PLPP7: variants seen among roughly 807,000 people sequenced by gnomAD.
PLPP7 encodes phospholipid phosphatase 7 (inactive), also known as inactive phospholipid phosphatase 7.
In PLPP7, 11 loss-of-function variants were observed where a neutral mutation model predicts 16.9. The observed-to-expected ratio is 0.65, with a 90% CI of 0.41 to 1.08. The LOEUF is 1.08. Ranked by LOEUF, PLPP7 falls within the 50% of genes least tolerant of loss-of-function variation. The pLI, the probability that PLPP7 is intolerant of heterozygous loss-of-function variation, is 0.00. For synonymous variants in PLPP7, 174 were observed against 175.1 expected (o/e 0.99, Z 0.05); for missense variants, 358 against 397.1 (o/e 0.90, Z 0.84).
At chr9:131,302,595 G>A (rs902355171) in intron 1 of PLPP7, among the ~76,000 whole-genome samples, 2 of 152,216 alleles carry the variant, frequency 1.3e-5, no homozygotes, top group Non-Finnish European at 1.5e-5. Flanking sequence ...CAGGGGAACA[G>A]CTGCCGTGAA....
At chr9:131,299,686 C>T (rs188315466) in intron 1 of PLPP7, among the ~76,000 whole-genome samples, 69 of 152,258 alleles carry the variant, frequency 4.5e-4, no homozygotes, top group African/African-American at 1.5e-3. Context: ...CCACGCACCC[C>T]GTCACACCTG....
chr9:131,289,960 G>A lies in PLPP7; in HGVS notation c.-38G>A, dbSNP rs375930100. On this transcript the variant is annotated 5_prime_UTR_variant, in exon 1 of 2. Transcript: ENST00000372264. The stretch of plus-strand genomic sequence containing the variant: ...CTTCGGGGAGAAGGCCCTTGGAGCC[G>A]GGCTGGCATCGGCCTTCTCGGGGTG... 527 of 1,380,526 alleles carry A rather than the reference G, an allele frequency of 3.8e-4. No individual in the cohort carries two copies. Among genetic ancestry groups the A allele is most frequent in the Non-Finnish European group, 4.6e-4 (490 of 1,070,428 alleles). 85.5% of individuals were successfully genotyped at this position (1,380,526 alleles called of 1,614,324 possible).
chr9:131,308,110 C>G lies in PLPP7; in HGVS notation c.639C>G (p.Pro213=), dbSNP rs139237318. The G allele has an allele frequency of 6.2e-7, 1 of 1,601,248 alleles. No individual in the cohort carries two copies. Among genetic ancestry groups the G allele is most frequent in the Non-Finnish European group, 8.5e-7 (1 of 1,179,798 alleles). Residue 213 remains proline (P), a synonymous_variant, in exon 2 of 2, where the codon CCC becomes CCG. Transcript: ENST00000372264. Reference sequence around the variant, plus strand: ...TCAGCCACCTGGTGCTGGCGGTGCCCCTGCGTGTGCTGCTGGTGCTCTGGG... The same window carrying G: ...TCAGCCACCTGGTGCTGGCGGTGCCGCTGCGTGTGCTGCTGGTGCTCTGGG... ...FFLSHLVLAV[P]LRVLLVLWAL...
At position 131,289,872 on chromosome 9, in the gene PLPP7, T is replaced by G; in HGVS notation, c.-126T>G. The stretch of plus-strand genomic sequence containing the variant: ...CATGTGCAACTCTCCACACTATATT[T>G]AACAGCTGCGGCGGAGAAGGCAGGG... On this transcript the variant is annotated 5_prime_UTR_variant, in exon 1 of 2. An upstream open reading frame in the 5' UTR loses its in-frame stop. Transcript: ENST00000372264. 1 of 724,384 alleles carries G rather than the reference T, an allele frequency of 1.4e-6. No individual in the cohort carries two copies. Among genetic ancestry groups the G allele is most frequent in the Non-Finnish European group, 2.0e-6 (1 of 496,114 alleles). 44.9% of individuals were successfully genotyped at this position (724,384 alleles called of 1,614,324 possible). A position where few individuals can be genotyped will look rare whatever the true frequency, so the allele number is the denominator to read the frequency against.
intron 1 of PLPP7, chr9:131,291,089 C>T: frequency 5.1e-6 from 7 of 1,366,438 alleles, no homozygotes; most frequent in Non-Finnish European, 6.9e-6. Flanking sequence ...TTTGCAAAGT[C>T]TTTGCCACCA....
At chr9:131,292,367 T>G (rs151271642) in intron 1 of PLPP7, among the ~76,000 whole-genome samples, 18 of 152,330 alleles carry the variant, frequency 1.2e-4, no homozygotes, top group Non-Finnish European at 2.2e-4. Flanking sequence ...GATGAAGATG[T>G]CATTGGTTGA....
At chr9:131,297,641 C>A (rs1160259888) in intron 1 of PLPP7, among the ~76,000 whole-genome samples, 1 of 152,170 alleles carries the variant, frequency 6.6e-6, no homozygotes, top group East Asian at 1.9e-4. Context: ...CTGCCACCGC[C>A]TCCCAAAGTG....
At chr9:131,297,314 A>G (rs962227807) in intron 1 of PLPP7, among the ~76,000 whole-genome samples, 3 of 151,894 alleles carry the variant, frequency 2.0e-5, no homozygotes, top group African/African-American at 4.8e-5. Flanking sequence ...CAGTCTTTCT[A>G]TTGATGATCC....
chr9:131,297,950 C>G (rs1299324918), intron 1 of PLPP7, among the ~76,000 whole-genome samples: 5 of 152,130 alleles, frequency 3.3e-5, no homozygotes, highest in African/African-American at 1.2e-4. Context: ...TTAACATACC[C>G]CATGGCTTTC....
In PLPP7 at chr9:131,290,432, C is replaced by T. The variant is rs1452243629; in HGVS notation, c.435C>T (p.Leu145=). Residue 145 remains leucine (L), a synonymous_variant, in exon 1 of 2, where the codon CTC becomes CTT. Transcript: ENST00000372264. The surrounding 1 kb of genome is among the most constrained non-coding windows in gnomAD (Gnocchi z 4.2). The part of the protein sequence containing the change: ...KSSTLAGQEV[L]MNLLLALLLD... ...GCACACTGGCCGGCCAGGAGGTGCT[C>T]ATGAATCTGCTCCTGGGTGAGTGTG... 2 of 1,531,370 alleles carry T rather than the reference C, an allele frequency of 1.3e-6. No individual in the cohort carries two copies. The highest frequency in any genetic ancestry group is 2.3e-5 in the East Asian group (1 of 43,290). 94.9% of individuals were successfully genotyped at this position (1,531,370 alleles called of 1,614,324 possible).
In PLPP7 at chr9:131,290,477, T is replaced by C; in HGVS notation, c.451+29T>C. 1 of 1,485,520 alleles carries C rather than the reference T, an allele frequency of 6.7e-7. No homozygotes were observed. Among genetic ancestry groups the C allele is most frequent in the Non-Finnish European group, 8.9e-7 (1 of 1,120,394 alleles). The allele number at this position is 1,485,520 out of a possible 1,614,324, so 92.0% of individuals were successfully genotyped here. On this transcript the variant is annotated intron_variant, in intron 1 of 1. Coordinates refer to ENST00000372264, the MANE Select transcript of PLPP7 (RefSeq NM_032728.4). The surrounding 1 kb of genome is among the most constrained non-coding windows in gnomAD (Gnocchi z 4.2). ...AGTGTGCCTGCCGCCCGCCACTCAC[T>C]GTCAGGCCCCTCGGGAGGCAGCCTG...
chr9:131,291,246 C>G (rs1462035461), intron 1 of PLPP7: 1 of 1,340,824 alleles, frequency 7.5e-7, no homozygotes, highest in Non-Finnish European at 9.9e-7. Context: ...CCCCAGGAAG[C>G]TTCCACCCTC....
At chr9:131,307,861 G>C (rs901992692) in intron 1 of PLPP7, 62 bp from the exon 2 acceptor site, 11 of 1,475,422 alleles carry the variant, frequency 7.5e-6, no homozygotes, top group Non-Finnish European at 9.9e-6. Context: ...AATGTGGGGG[G>C]CCAGGGCCTG....
rs560142571 is a variant in PLPP7 at position 131,302,653 on chromosome 9, C to T, written c.452-5270C>T. On this transcript the variant is annotated intron_variant, in intron 1 of 1. Transcript: ENST00000372264. ...AGGTTTTCTCGAGGCCTTCAGGCCC[C>T]GCCCTCCTTGGGCCAGCCAGCTCCT... Among the ~76,000 whole-genome samples, 21 of 152,348 alleles carry T rather than the reference C, an allele frequency of 1.4e-4. No individual in the cohort carries two copies. The East Asian group carries it at 3.7e-3, about 27-fold the overall frequency.
intron 1 of PLPP7, among the ~76,000 whole-genome samples, chr9:131,298,425 G>C (rs1038539871): frequency 1.3e-5 from 2 of 152,136 alleles, no homozygotes; most frequent in African/African-American, 4.8e-5. Flanking sequence ...TTCGCAGCCT[G>C]CAGGGCATCC....
In PLPP7 at chr9:131,295,422, G is replaced by A. The variant is rs771324946; in HGVS notation, c.451+4974G>A. The stretch of plus-strand genomic sequence containing the variant: ...CTGCATCAGCTTCCCAAAGTGCTGG[G>A]ATCACAGGAGTGAGCCACCACGCCT... On this transcript the variant is annotated intron_variant, in intron 1 of 1. Transcript: ENST00000372264. This position sits in a 1 kb window ranked among gnomAD's most constrained non-coding sequence, Gnocchi z 4.0. Among the ~76,000 whole-genome samples, 2 of 152,116 alleles carry A rather than the reference G, an allele frequency of 1.3e-5. No homozygotes were observed. The highest frequency in any genetic ancestry group is 2.9e-5 in the Non-Finnish European group (2 of 68,024).
chr9:131,307,528 G>C (rs572578583), intron 1 of PLPP7, among the ~76,000 whole-genome samples: 1 of 114,098 alleles, frequency 8.8e-6, no homozygotes, highest in Non-Finnish European at 1.6e-5. Flanking sequence ...CTCCAGCCTG[G>C]TTGACAAAGT....
At position 131,290,281 on chromosome 9, in the gene PLPP7, G is replaced by A. The variant is rs1033284848; in HGVS notation, c.284G>A (p.Arg95Gln). Residue 95 changes from arginine (R) to glutamine (Q), a missense_variant, in exon 1 of 2, where the codon CGG (arginine) becomes CAG (glutamine). By Grantham distance (43) the Arg-to-Gln change is conservative. Transcript: ENST00000372264. This position sits in a 1 kb window ranked among gnomAD's most constrained non-coding sequence, Gnocchi z 4.2. ...LLAIDICMSKRLGVCAGRAAS... is the reference protein window; with the variant it reads ...LLAIDICMSKQLGVCAGRAAS... ...GCCATCGATATCTGTATGTCCAAGC[G>A]GCTGGGGGTGTGCGCTGGCCGGGCG... is the stretch of plus-strand genomic sequence containing the variant. 32 of 1,612,270 alleles carry A rather than the reference G, an allele frequency of 2.0e-5. No individual in the cohort carries two copies. The highest frequency in any genetic ancestry group is 5.3e-5 in the African/African-American group (4 of 74,938).
In PLPP7 at chr9:131,308,162, A is replaced by G. The variant is rs778839268; in HGVS notation, c.691A>G (p.Met231Val). The change falls in exon 2 of 2, where the codon ATG becomes GTG. Residue 231 changes from methionine (M) to valine (V), a missense_variant. Physicochemically the swap from Met to Val is conservative, Grantham distance 21 (BLOSUM62 1). Transcript: ENST00000372264. ...WALCVGLSRV[M>V]IGRHHVTDVL... is the part of the protein sequence containing the mutation. Reference sequence around the variant, plus strand: ...CCTCTGCGTGGGCCTGTCCCGCGTGATGATCGGCCGCCACCACGTCACGGA... The same window carrying G: ...CCTCTGCGTGGGCCTGTCCCGCGTGGTGATCGGCCGCCACCACGTCACGGA... The G allele has an allele frequency of 6.2e-7, 1 of 1,600,436 alleles. No homozygotes were observed. The highest frequency in any genetic ancestry group is 1.1e-5 in the South Asian group (1 of 91,076).
Sources: gnomAD v4.1 joint callset for allele counts (sites outside exome capture counted in the v4.1 genomes callset) on GRCh38, gnomAD v4.1.1 for gene constraint, Gnocchi (gnomAD v3.1) non-coding constraint, MANE v1.5 for transcripts, NCBI Gene and HGNC (gene_info 2026-07-23, HGNC 2026-07-21) for gene names.